Variants in HS6ST3 observed in about 807,000 individuals in gnomAD.
HS6ST3 encodes the protein heparan-sulfate 6-O-sulfotransferase 3.
A neutral mutation model predicts 36.7 loss-of-function variants in HS6ST3; 12 were observed. The observed-to-expected ratio is 0.33, with a 90% CI of 0.21 to 0.53. The LOEUF is 0.53. HS6ST3 is among the 20% of genes least tolerant of loss of function. The pLI, the probability that HS6ST3 is intolerant of heterozygous loss-of-function variation, is 0.95. For missense variants in HS6ST3, 584 were observed against 640.9 expected (o/e 0.91, Z 0.96); for synonymous variants, 240 against 257.5 (o/e 0.93, Z 0.65).
At chr13:96,701,422 C>G (rs866223958) in intron 1 of HS6ST3, among the ~76,000 whole-genome samples, 13 of 152,182 alleles carry the variant, frequency 8.5e-5, no homozygotes, top group Middle Eastern at 6.8e-3. Context: ...TTAGAAGAGG[C>G]TGGGTTTTAA....
At chr13:96,522,672 C>T (rs1288764425) in intron 1 of HS6ST3, among the ~76,000 whole-genome samples, 1 of 80,186 alleles carries the variant, frequency 1.2e-5, no homozygotes, top group African/African-American at 3.4e-5. Context: ...GATTGCAACC[C>T]CTGCTTTTGT....
chr13:96,410,887 G>T (rs1044633806), intron 1 of HS6ST3, among the ~76,000 whole-genome samples: 66 of 152,160 alleles, frequency 4.3e-4, no homozygotes, highest in African/African-American at 1.6e-3. Flanking sequence ...CTACACTTTA[G>T]AAGTGATAAA....
chr13:96,724,489 C>T, intron 1 of HS6ST3, among the ~76,000 whole-genome samples: 1 of 152,170 alleles, frequency 6.6e-6, no homozygotes, highest in Non-Finnish European at 1.5e-5. Flanking sequence ...AGCCCGGAAC[C>T]TCTCTTTGTG....
chr13:96,783,540 C>T (rs1002732023), intron 1 of HS6ST3, among the ~76,000 whole-genome samples: 2 of 151,694 alleles, frequency 1.3e-5, no homozygotes, highest in African/African-American at 4.8e-5. Flanking sequence ...CTCTCCCCTC[C>T]TCAACTATGG....
At chr13:96,665,607 G>A (rs1220306783) in intron 1 of HS6ST3, among the ~76,000 whole-genome samples, 1 of 151,558 alleles carries the variant, frequency 6.6e-6, no homozygotes, top group Non-Finnish European at 1.5e-5. Flanking sequence ...CTAGCACAGG[G>A]GCAAAAATGT....
intron 1 of HS6ST3, among the ~76,000 whole-genome samples, chr13:96,720,359 G>A (rs1381470787): frequency 1.3e-5 from 2 of 152,098 alleles, no homozygotes; most frequent in African/African-American, 4.8e-5. Context: ...AAACCTACAG[G>A]ATGCCTCTTC....
At chr13:96,680,749 A>G (rs2056715722) in intron 1 of HS6ST3, among the ~76,000 whole-genome samples, 2 of 152,124 alleles carry the variant, frequency 1.3e-5, no homozygotes, top group South Asian at 2.1e-4. Context: ...CCATGGACAC[A>G]TTTTTCTTCC....
chr13:96,797,822 G>T (rs1311263158), intron 1 of HS6ST3, among the ~76,000 whole-genome samples: 1 of 152,008 alleles, frequency 6.6e-6, no homozygotes, highest in East Asian at 1.9e-4. Flanking sequence ...CATCAATTCT[G>T]CAGTAGACTC....
chr13:96,422,133 T>C (rs1382071002), intron 1 of HS6ST3, among the ~76,000 whole-genome samples: 6 of 152,216 alleles, frequency 3.9e-5, no homozygotes, highest in Non-Finnish European at 8.8e-5. Context: ...GATATACTTT[T>C]TGTCATGCAC....
rs71213623 is a variant in HS6ST3 at position 96,658,268 on chromosome 13, C to CTTTTTTTTTTTTTTTTTTTTTTTTTTT, written c.708-174218_708-174192dup. On this transcript the variant is annotated intron_variant, in intron 1 of 1. Coordinates refer to ENST00000376705, the MANE Select transcript of HS6ST3 (RefSeq NM_153456.4). The stretch of plus-strand genomic sequence containing the variant: ...TTCTTCTTCTTCTTCTCTTCTTCTT[C>CTTTTTTTTTTTTTTTTTTTTTTTTTTT]TTTTTTTTTTTTTTTTTTTTTTTTT... Among the ~76,000 whole-genome samples, 29 of 76,176 alleles carry CTTTTTTTTTTTTTTTTTTTTTTTTTTT rather than the reference C, an allele frequency of 3.8e-4. 2 individuals carry two copies. The highest frequency in any genetic ancestry group is 1.0e-3 in the East Asian group (2 of 1,946). 50.0% of individuals were successfully genotyped at this position (76,176 alleles called of 152,430 possible). A position where few individuals can be genotyped will look rare whatever the true frequency, so the allele number is the denominator to read the frequency against.
chr13:96,707,359 A>G (rs910882079), intron 1 of HS6ST3, among the ~76,000 whole-genome samples: 6 of 152,186 alleles, frequency 3.9e-5, no homozygotes, highest in Non-Finnish European at 5.9e-5. Context: ...TCAGACTTGT[A>G]GCCTTCCTAA....
chr13:96,336,664 T>C (rs2055102887), intron 1 of HS6ST3, among the ~76,000 whole-genome samples: 2 of 152,188 alleles, frequency 1.3e-5, no homozygotes, highest in Admixed American at 1.3e-4. Context: ...ATCTTGGACT[T>C]CAGCCTCCAG....
chr13:96,164,849 A>G (rs1192252020), intron 1 of HS6ST3, among the ~76,000 whole-genome samples: 4 of 150,416 alleles, frequency 2.7e-5, no homozygotes, highest in Non-Finnish European at 4.4e-5. Flanking sequence ...AATGATACAG[A>G]TTTTTTTTTT....
intron 1 of HS6ST3, among the ~76,000 whole-genome samples, chr13:96,141,706 C>A (rs2054032700): frequency 1.3e-5 from 2 of 152,074 alleles, no homozygotes; most frequent in Admixed American, 1.3e-4. Context: ...ACTGAAGGTT[C>A]CAAAGTGATC....
At chr13:96,794,715 G>A (rs1347020444) in intron 1 of HS6ST3, among the ~76,000 whole-genome samples, 1 of 151,936 alleles carries the variant, frequency 6.6e-6, no homozygotes, top group Non-Finnish European at 1.5e-5. Context: ...TGTCAGGTTT[G>A]GATCACTATA....
intron 1 of HS6ST3, among the ~76,000 whole-genome samples, chr13:96,558,218 A>G (rs2056248627): frequency 6.6e-6 from 1 of 152,234 alleles, no homozygotes; most frequent in Admixed American, 6.5e-5. Context: ...GAAAAAAAGT[A>G]CAGTTACAGC....
intron 1 of HS6ST3, among the ~76,000 whole-genome samples, chr13:96,355,147 T>C (rs1166599496): frequency 1.3e-5 from 2 of 152,112 alleles, no homozygotes; most frequent in Admixed American, 6.6e-5. Context: ...AGTAAAAGCA[T>C]GATTGCTTTG....
intron 1 of HS6ST3, among the ~76,000 whole-genome samples, chr13:96,260,419 C>T (rs1172004872): frequency 6.6e-6 from 1 of 151,832 alleles, no homozygotes; most frequent in Admixed American, 6.6e-5. Flanking sequence ...TCAAGCCATT[C>T]TCCTGCCTCA....
At chr13:96,141,228 C>T (rs904513563) in intron 1 of HS6ST3, among the ~76,000 whole-genome samples, 1 of 152,170 alleles carries the variant, frequency 6.6e-6, no homozygotes. Flanking sequence ...AAGTTAACAC[C>T]AGATGGCAGT....
Sources: gnomAD v4.1 joint callset for allele counts (sites outside exome capture counted in the v4.1 genomes callset) on GRCh38, gnomAD v4.1.1 for gene constraint, MANE v1.5 for transcripts, NCBI Gene and HGNC (gene_info 2026-07-23, HGNC 2026-07-21) for gene names.